Variants in DNAH11 observed in about 807,000 individuals in gnomAD.
The protein encoded by DNAH11 is dynein axonemal heavy chain 11.
Under a neutral mutation model 526.0 loss-of-function variants are expected in DNAH11, and 442 were observed. That is an observed-to-expected ratio of 0.84 (90% confidence interval 0.78 to 0.91). DNAH11 has a LOEUF of 0.91. Ranked by LOEUF, DNAH11 falls within the 40% of genes least tolerant of loss-of-function variation. The probability of loss-of-function intolerance (pLI) is 0.00; values close to 1 mark genes in which losing one functional copy is unlikely to be tolerated. For missense variants in DNAH11, 6,989 were observed against 5,448.7 expected (o/e 1.28, Z -8.90); for synonymous variants, 2,461 against 1,935.9 (o/e 1.27, Z -7.12).
chr7:21,744,539 CA>C lies in DNAH11; in HGVS notation c.8262del (p.Asp2755IlefsTer20), dbSNP rs1562522281. ...ARVYGDKLIDKKDCDLFQRRM... is the reference protein window; with the variant it reads ...ARVYGDKLIDXKDCDLFQRRM... ...GTGTTTATGGAGACAAACTGATAGA[CA>C]AAAAAGATTGTGATTTGTTTCAGAG... is the stretch of plus-strand genomic sequence containing the variant. On this transcript the variant is annotated frameshift_variant, in exon 50 of 82. Coordinates refer to ENST00000409508, the MANE Select transcript of DNAH11 (RefSeq NM_001277115.2). LOFTEE classifies it high-confidence loss of function. 5 of 1,612,144 alleles carry C rather than the reference CA, an allele frequency of 3.1e-6. No homozygotes were observed. Among genetic ancestry groups the C allele is most frequent in the Non-Finnish European group, 4.2e-6 (5 of 1,179,438 alleles).
intron 43 of DNAH11, among the ~76,000 whole-genome samples, chr7:21,719,656 C>T (rs1784801216): frequency 6.6e-6 from 1 of 152,052 alleles, no homozygotes; most frequent in Non-Finnish European, 1.5e-5. Flanking sequence ...TGTGGCACAA[C>T]ATGAAATAAT....
chr7:21,678,878 GTA>G (rs972043231), intron 30 of DNAH11, among the ~76,000 whole-genome samples: 12 of 152,118 alleles, frequency 7.9e-5, no homozygotes, highest in Non-Finnish European at 1.6e-4. Flanking sequence ...TCACTTCTGG[GTA>G]TATAGGTAAA....
intron 45 of DNAH11, 142 bp downstream of exon 45, chr7:21,726,126 C>G: frequency 1.2e-6 from 1 of 865,012 alleles, no homozygotes; most frequent in Non-Finnish European, 1.6e-6. Context: ...ATGCTGGCAT[C>G]TGCTGAGCTT....
intron 8 of DNAH11, among the ~76,000 whole-genome samples, chr7:21,574,294 C>T (rs560885316): frequency 6.6e-6 from 1 of 152,270 alleles, no homozygotes; most frequent in South Asian, 2.1e-4. Context: ...AGGGTAACCC[C>T]TTGGCTCCAC....
At chr7:21,628,966 C>G (rs1786473251) in intron 25 of DNAH11, among the ~76,000 whole-genome samples, 1 of 151,858 alleles carries the variant, frequency 6.6e-6, no homozygotes, top group Non-Finnish European at 1.5e-5. Flanking sequence ...ATTGTTTTTG[C>G]TTTTCTAGTT....
intron 61 of DNAH11, among the ~76,000 whole-genome samples, chr7:21,790,323 G>A (rs1788425410): frequency 6.6e-6 from 1 of 151,958 alleles, no homozygotes; most frequent in South Asian, 2.1e-4. Context: ...CATGGCGGGT[G>A]ACTGTAGTCC....
At chr7:21,762,197 A>G (rs1328739781) in intron 54 of DNAH11, among the ~76,000 whole-genome samples, 1 of 152,162 alleles carries the variant, frequency 6.6e-6, no homozygotes, top group Non-Finnish European at 1.5e-5. Flanking sequence ...AGATTTGGGT[A>G]TGGACACAGA....
intron 75 of DNAH11, among the ~76,000 whole-genome samples, chr7:21,882,635 A>C (rs977114770): frequency 6.6e-6 from 1 of 152,136 alleles, no homozygotes; most frequent in Non-Finnish European, 1.5e-5. Context: ...GTCTCCATAA[A>C]AAATACAAAA....
chr7:21,849,402 C>G (rs1478108862), intron 66 of DNAH11, among the ~76,000 whole-genome samples: 1 of 152,220 alleles, frequency 6.6e-6, no homozygotes, highest in African/African-American at 2.4e-5. Context: ...TACTCCTTCT[C>G]TAGTACTCTT....
rs117338298 is a variant in DNAH11, at chr7:21,808,775, G to A, written c.10332+726G>A. Among the ~76,000 whole-genome samples the A allele has an allele frequency of 8.3e-3, 1,261 of 152,040 alleles. 28 individuals are homozygous for A. Among genetic ancestry groups the A allele is most frequent in the South Asian group, 0.051 (244 of 4,816 alleles). ...CATGTATATCATGTTTTCTTTATCT[G>A]CCCATCTGTTGTTGGACACTTAGGT... On this transcript the variant is annotated intron_variant, in intron 63 of 81. Transcript: ENST00000409508.
chr7:21,613,246 C>G (rs951190258), intron 20 of DNAH11, among the ~76,000 whole-genome samples: 4 of 151,942 alleles, frequency 2.6e-5, no homozygotes, highest in African/African-American at 9.7e-5. Context: ...ATTTCACAAA[C>G]ATAAATTTTA....
At chr7:21,698,599 A>G (rs1167644561) in intron 36 of DNAH11, among the ~76,000 whole-genome samples, 1 of 152,234 alleles carries the variant, frequency 6.6e-6, no homozygotes, top group Non-Finnish European at 1.5e-5. Flanking sequence ...TTACTTTACT[A>G]GAATAATGGT....
intron 61 of DNAH11, among the ~76,000 whole-genome samples, chr7:21,799,431 A>G (rs867279163): frequency 6.6e-6 from 1 of 151,976 alleles, no homozygotes; most frequent in Non-Finnish European, 1.5e-5. Context: ...TCTGCCTTCC[A>G]GGTTCAAGCA....
intron 54 of DNAH11, among the ~76,000 whole-genome samples, chr7:21,764,580 G>A (rs1276744125): frequency 6.6e-6 from 1 of 152,108 alleles, no homozygotes; most frequent in African/African-American, 2.4e-5. Context: ...GATGCTCACT[G>A]AACACCTCCT....
chr7:21,681,577 T>C lies in DNAH11; in HGVS notation c.5360T>C (p.Leu1787Ser), dbSNP rs368039476. 1.2e-5 allele frequency: 19 copies of C among 1,613,812 alleles called. No individual in the cohort carries two copies. In the African/African-American group the frequency reaches 2.4e-4, roughly 20 times the overall value. ...CAGCTGAATACACTGATTACACTTT[T>C]GCTGGGAGAACTTCCACCTGGAGAC... ...ISQLNTLITL[L>S]LGELPPGDRQ... Residue 1787 changes from leucine to serine, a missense_variant, in exon 31 of 82, where the codon TTG (leucine) becomes TCG (serine). By Grantham distance (145) the Leu-to-Ser change is moderately radical. Coordinates refer to ENST00000409508, the MANE Select transcript of DNAH11 (RefSeq NM_001277115.2).
At chr7:21,777,780 T>G (rs1215248887) in intron 56 of DNAH11, among the ~76,000 whole-genome samples, 1 of 152,190 alleles carries the variant, frequency 6.6e-6, no homozygotes, top group African/African-American at 2.4e-5. Flanking sequence ...CAGTCATAGC[T>G]TAATCTATAA....
In DNAH11 at chr7:21,581,983, G is replaced by A. The variant is rs763778906; in HGVS notation, c.1672G>A (p.Ala558Thr). 3 of 1,613,228 alleles carry A rather than the reference G, an allele frequency of 1.9e-6. No individual in the cohort carries two copies. The highest frequency in any genetic ancestry group is 2.5e-6 in the Non-Finnish European group (3 of 1,179,386). ...AAGGCTTGGGACAATTATTTGTGAA[G>A]CTTTCTTTAACTGCAATGGCTTAGA... Reference protein sequence around the residue: ...DRRLGTIICEAFFNCNGLEAA... With the variant: ...DRRLGTIICETFFNCNGLEAA... The change falls in exon 9 of 82, where the codon GCT becomes ACT. Residue 558 changes from alanine to threonine, a missense_variant. Transcript: ENST00000409508.
intron 28 of DNAH11, among the ~76,000 whole-genome samples, chr7:21,650,847 C>T (rs1249761319): frequency 2.0e-5 from 3 of 151,792 alleles, no homozygotes; most frequent in Non-Finnish European, 4.4e-5. Flanking sequence ...ACCATATTGG[C>T]CAGGCTGGTC....
In DNAH11 at chr7:21,581,974, A is replaced by T. The variant is rs754235416; in HGVS notation, c.1663A>T (p.Ile555Phe). ...LEFDRRLGTI[I>F]CEAFFNCNGL... ...ATTTGACAGAAGGCTTGGGACAATT[A>T]TTTGTGAAGCTTTCTTTAACTGCAA... is the stretch of plus-strand genomic sequence containing the variant. The change falls in exon 9 of 82, where the codon ATT becomes TTT. Residue 555 changes from isoleucine (I) to phenylalanine (F), a missense_variant. Ile to Phe is a conservative substitution (Grantham distance 21, BLOSUM62 0). Coordinates refer to ENST00000409508, the MANE Select transcript of DNAH11 (RefSeq NM_001277115.2). 5 of 1,613,392 alleles carry T rather than the reference A, an allele frequency of 3.1e-6. No individual in the cohort carries two copies. The highest frequency in any genetic ancestry group is 4.2e-6 in the Non-Finnish European group (5 of 1,179,476).
Sources: gnomAD v4.1 joint callset for allele counts (sites outside exome capture counted in the v4.1 genomes callset) on GRCh38, gnomAD v4.1.1 for gene constraint, MANE v1.5 for transcripts, NCBI Gene and HGNC (gene_info 2026-07-23, HGNC 2026-07-21) for gene names.